Variants in SLC4A5 observed in about 807,000 individuals in gnomAD.
SLC4A5 encodes the protein solute carrier family 4 member 5.
A neutral mutation model predicts 120.4 loss-of-function variants in SLC4A5; 96 were observed. The ratio of observed to expected loss-of-function variants is 0.80; its 90% confidence interval spans 0.68 to 0.94. The LOEUF is 0.94. Ranked by LOEUF, SLC4A5 falls within the 40% of genes least tolerant of loss-of-function variation. The pLI, the probability that SLC4A5 is intolerant of heterozygous loss-of-function variation, is 0.00. For synonymous variants in SLC4A5, 550 were observed against 571.1 expected (o/e 0.96, Z 0.53); for missense variants, 1,259 against 1,459.5 (o/e 0.86, Z 2.24).
intron 8 of SLC4A5, among the ~76,000 whole-genome samples, chr2:74,278,346 T>C (rs1040116288): frequency 6.6e-5 from 10 of 152,184 alleles, no homozygotes; most frequent in African/African-American, 2.2e-4. Context: ...ACTAATCTGA[T>C]TGTACTATCC....
chr2:74,239,643 G>T, intron 20 of SLC4A5, 108 bp from the exon 21 acceptor site: 1 of 1,060,190 alleles, frequency 9.4e-7, no homozygotes, highest in Non-Finnish European at 1.4e-6. Context: ...CACCCTCTGA[G>T]GGACCCCAGC....
rs374936512 is a variant in SLC4A5, at chr2:74,233,623, C to T, written c.2434-60G>A. Reference sequence around the variant, plus strand: ...CTCTCCCTTGTCCCAGGGCACTTGTCGCCTGGCCTGCTGTCCCACCTCCTC... The same window carrying T: ...CTCTCCCTTGTCCCAGGGCACTTGTTGCCTGGCCTGCTGTCCCACCTCCTC... On this transcript the variant is annotated intron_variant, in intron 22 of 30. Transcript: ENST00000394019. 2.4e-5 allele frequency: 36 copies of T among 1,512,920 alleles called. 1 individual carries two copies. The highest frequency in any genetic ancestry group is 1.5e-4 in the South Asian group (12 of 78,584). 93.7% of individuals were successfully genotyped at this position (1,512,920 alleles called of 1,614,324 possible).
intron 25 of SLC4A5, among the ~76,000 whole-genome samples, chr2:74,230,700 G>C (rs560518884): frequency 2.0e-5 from 3 of 152,296 alleles, no homozygotes; most frequent in African/African-American, 7.2e-5. Context: ...GGATGGGTGG[G>C]AGAGAGGATT....
intron 7 of SLC4A5, among the ~76,000 whole-genome samples, chr2:74,298,390 C>A (rs1272791225): frequency 2.0e-5 from 3 of 152,094 alleles, no homozygotes; most frequent in African/African-American, 7.2e-5. Context: ...TAAAATTGGA[C>A]CCCATCTTAT....
At chr2:74,234,239 C>T (rs986037822) in intron 22 of SLC4A5, among the ~76,000 whole-genome samples, 15 of 150,478 alleles carry the variant, frequency 1.0e-4, no homozygotes, top group African/African-American at 3.4e-4. Flanking sequence ...AGTGCAGTGG[C>T]GTGATCTCCG....
intron 8 of SLC4A5, among the ~76,000 whole-genome samples, chr2:74,285,481 C>A (rs1219168256): frequency 1.2e-4 from 19 of 152,246 alleles, no homozygotes; most frequent in Admixed American, 1.2e-3. Context: ...GTCCTGGAAC[C>A]AGTGCCCTAT....
Position 74,233,387 on chromosome 2 carries a change from T to C in SLC4A5, c.2595+15A>G, listed in dbSNP as rs763594611. ...AAGAAAGAGGTTATGCCTCTGCTCCTAGTACCGGCCTTACCTTCAGTTTGT... is the reference window on the plus strand; with the variant it reads ...AAGAAAGAGGTTATGCCTCTGCTCCCAGTACCGGCCTTACCTTCAGTTTGT... On this transcript the variant is annotated intron_variant, in intron 23 of 30. Transcript: ENST00000394019. 2.5e-6 allele frequency: 4 copies of C among 1,613,952 alleles called. No homozygotes were observed. Among genetic ancestry groups the C allele is most frequent in the Non-Finnish European group, 1.7e-6 (2 of 1,179,896 alleles).
chr2:74,325,947 A>C (rs1673208120), intron 5 of SLC4A5, among the ~76,000 whole-genome samples: 1 of 151,632 alleles, frequency 6.6e-6, no homozygotes. Flanking sequence ...GGGAGAAGGA[A>C]GGGAGAAGGA....
intron 10 of SLC4A5, among the ~76,000 whole-genome samples, chr2:74,263,793 T>G (rs1395871286): frequency 1.3e-5 from 2 of 152,234 alleles, no homozygotes; most frequent in African/African-American, 4.8e-5. Flanking sequence ...TAAGAATCTC[T>G]TGGGGTGCAT....
chr2:74,229,156 A>C (rs1432759472), intron 25 of SLC4A5, among the ~76,000 whole-genome samples: 1 of 121,526 alleles, frequency 8.2e-6, no homozygotes, highest in Non-Finnish European at 1.6e-5. Flanking sequence ...TTCTGGTCTC[A>C]AACTATTGTT....
At chr2:74,279,302 C>T (rs964662453) in intron 8 of SLC4A5, among the ~76,000 whole-genome samples, 1 of 152,176 alleles carries the variant, frequency 6.6e-6, no homozygotes, top group East Asian at 1.9e-4. Flanking sequence ...CCTCAGACTG[C>T]GGGAGTAGGT....
intron 28 of SLC4A5, among the ~76,000 whole-genome samples, chr2:74,223,774 A>T (rs1193297824): frequency 6.6e-6 from 1 of 152,244 alleles, no homozygotes; most frequent in Admixed American, 6.5e-5. Context: ...TTTACAAATC[A>T]TCTACAAACA....
intron 5 of SLC4A5, among the ~76,000 whole-genome samples, chr2:74,319,162 C>G (rs947220675): frequency 6.6e-6 from 1 of 152,058 alleles, no homozygotes. Flanking sequence ...GCTAACAATT[C>G]GTACACATGG....
Position 74,247,096 on chromosome 2 carries a change from T to C in SLC4A5, c.1999A>G (p.Met667Val), listed in dbSNP as rs745547170. ...GTGATGAAGTTTGGCTTGAAGTCCA[T>C]ATTGATAGGGTAGTACTTGAAGGCA... Residue 667 changes from methionine to valine, a missense_variant, in exon 19 of 31, where the codon ATG becomes GTG. Transcript: ENST00000394019. 40 of 1,613,996 alleles carry C rather than the reference T, an allele frequency of 2.5e-5. No individual in the cohort carries two copies. Among genetic ancestry groups the C allele is most frequent in the Non-Finnish European group, 3.3e-5 (39 of 1,180,034 alleles).
chr2:74,245,502 T>C (rs1171916024), intron 19 of SLC4A5, among the ~76,000 whole-genome samples: 1 of 152,074 alleles, frequency 6.6e-6, no homozygotes, highest in Non-Finnish European at 1.5e-5. Flanking sequence ...CAGGATTTGC[T>C]CCAGGGCAGA....
chr2:74,292,132 G>C (rs1397032592), intron 7 of SLC4A5, among the ~76,000 whole-genome samples: 1 of 152,172 alleles, frequency 6.6e-6, no homozygotes, highest in African/African-American at 2.4e-5. Context: ...ACTGGACTGT[G>C]GCAGGGATTC....
intron 7 of SLC4A5, among the ~76,000 whole-genome samples, chr2:74,297,956 T>G (rs748057489): frequency 6.3e-4 from 96 of 152,330 alleles, no homozygotes; most frequent in Admixed American, 6.5e-4. Flanking sequence ...GACTGACCAA[T>G]GACATCTTAT....
intron 28 of SLC4A5, 44 bp downstream of exon 28, chr2:74,224,796 T>A: frequency 6.3e-7 from 1 of 1,581,136 alleles, no homozygotes; most frequent in Non-Finnish European, 8.6e-7. Context: ...GGAGAGAAGG[T>A]CTCTCAATTT....
At chr2:74,332,417 G>T (rs1673385119) in intron 4 of SLC4A5, among the ~76,000 whole-genome samples, 1 of 152,148 alleles carries the variant, frequency 6.6e-6, no homozygotes, top group African/African-American at 2.4e-5. Flanking sequence ...CTTTTCAACT[G>T]CATGAAGACC....
Sources: gnomAD v4.1 joint callset for allele counts (sites outside exome capture counted in the v4.1 genomes callset) on GRCh38, gnomAD v4.1.1 for gene constraint, MANE v1.5 for transcripts, NCBI Gene and HGNC (gene_info 2026-07-23, HGNC 2026-07-21) for gene names.